Variants in BUD13 observed in about 807,000 individuals in gnomAD.
The protein encoded by BUD13 is BUD13 homolog.
A neutral mutation model predicts 62.5 loss-of-function variants in BUD13; 47 were observed. The ratio of observed to expected loss-of-function variants is 0.75; its 90% CI spans 0.60 to 0.96. BUD13 has a LOEUF of 0.96. BUD13 is among the 40% of genes least tolerant of loss of function. The pLI, the probability that BUD13 is intolerant of heterozygous loss-of-function variation, is 0.00. For synonymous variants in BUD13, 293 were observed against 280.1 expected, an observed-to-expected ratio of 1.05 and a Z score of -0.46; for missense variants, 821 against 790.9, an observed-to-expected ratio of 1.04 and a Z score of -0.46.
intron 2 of BUD13, among the ~76,000 whole-genome samples, chr11:116,767,524 C>A (rs1212982365): frequency 1.5e-5 from 2 of 131,792 alleles, no homozygotes; most frequent in Non-Finnish European, 3.1e-5. Context: ...ACCCGGGAGG[C>A]GGAGCTTGCA....
intron 9 of BUD13, among the ~76,000 whole-genome samples, chr11:116,752,573 C>T (rs1940255614): frequency 6.6e-6 from 1 of 152,084 alleles, no homozygotes; most frequent in Non-Finnish European, 1.5e-5. Context: ...AACTCGGTAG[C>T]AGGGAACATC....
chr11:116,750,967 G>A (rs1173844746), intron 9 of BUD13, among the ~76,000 whole-genome samples: 3 of 152,130 alleles, frequency 2.0e-5, no homozygotes, highest in Non-Finnish European at 4.4e-5. Context: ...TGCACATATA[G>A]GACCCTCTTC....
Position 116,763,190 on chromosome 11 carries a change from A to G in BUD13, c.399T>C (p.His133=). The change falls in exon 4 of 10, where the codon CAT becomes CAC. Residue 133 remains histidine, a synonymous_variant. Transcript: ENST00000260210. The part of the protein sequence containing the change: ...TPDSSPRRVR[H]GTPDPSPRKD... ...TCCTAGGAGATGGATCTGGGGTACC[A>G]TGACGGACCCTCCTAGGAGATGAAT... 4 of 1,594,244 alleles carry G rather than the reference A, an allele frequency of 2.5e-6. No individual in the cohort carries two copies. The highest frequency in any genetic ancestry group is 3.4e-6 in the Non-Finnish European group (4 of 1,169,626).
intron 7 of BUD13, 107 bp from the exon 8 acceptor site, chr11:116,758,057 C>G: frequency 6.8e-7 from 1 of 1,471,536 alleles, no homozygotes; most frequent in East Asian, 2.3e-5. Flanking sequence ...TTCTAGTACC[C>G]TAGGGCAAAT....
At chr11:116,763,930 T>A (rs1940484226) in intron 3 of BUD13, among the ~76,000 whole-genome samples, 1 of 152,214 alleles carries the variant, frequency 6.6e-6, no homozygotes, top group Non-Finnish European at 1.5e-5. Context: ...TCATAGAGAT[T>A]ACCTGATTCA....
At chr11:116,765,486 G>T (rs765383793) in intron 2 of BUD13, 40 bp from the exon 3 acceptor site, 4 of 1,608,354 alleles carry the variant, frequency 2.5e-6, no homozygotes, top group Non-Finnish European at 3.4e-6. Flanking sequence ...AAATCCACAG[G>T]ATCCAGCCAA....
At chr11:116,768,834 T>G (rs1172806642) in intron 2 of BUD13, among the ~76,000 whole-genome samples, 1 of 151,576 alleles carries the variant, frequency 6.6e-6, no homozygotes, top group Non-Finnish European at 1.5e-5. Flanking sequence ...AAACCCTGTC[T>G]CTACTAAAAA....
At position 116,763,762 on chromosome 11, in the gene BUD13, T is replaced by C. The variant is rs539647565; in HGVS notation, c.323-496A>G. Among the ~76,000 whole-genome samples, 22 of 152,376 alleles carry C rather than the reference T, an allele frequency of 1.4e-4. No homozygotes were observed. The South Asian group carries it at 4.3e-3, about 30-fold the overall frequency. ...GATACTTTATAGTTTGTACTCACTCTTCTTTCAATAGGTAAATTGACTAAA... is the reference window on the plus strand; with the variant it reads ...GATACTTTATAGTTTGTACTCACTCCTCTTTCAATAGGTAAATTGACTAAA... On this transcript the variant is annotated intron_variant, in intron 3 of 9. Transcript: ENST00000260210.
At chr11:116,757,076 G>A (rs1266472630) in intron 9 of BUD13, 70 bp downstream of exon 9, 11 of 1,420,402 alleles carry the variant, frequency 7.7e-6, no homozygotes, top group African/African-American at 1.4e-5. Context: ...GAAATAAAGT[G>A]TGGAGCAACT....
At chr11:116,755,795 AGTTT>A (rs1940311777) in intron 9 of BUD13, among the ~76,000 whole-genome samples, 1 of 152,178 alleles carries the variant, frequency 6.6e-6, no homozygotes, top group Non-Finnish European at 1.5e-5. Context: ...TAACATAATT[AGTTT>A]ATTTTTTTTT....
chr11:116,769,620 T>C (rs1005453322), intron 2 of BUD13, among the ~76,000 whole-genome samples: 1 of 152,220 alleles, frequency 6.6e-6, no homozygotes, highest in African/African-American at 2.4e-5. Flanking sequence ...TCTAGGCTGA[T>C]GGACCCTCCA....
At chr11:116,754,571 T>A (rs1940292295) in intron 9 of BUD13, among the ~76,000 whole-genome samples, 1 of 152,142 alleles carries the variant, frequency 6.6e-6, no homozygotes, top group Admixed American at 6.5e-5. Flanking sequence ...AAAACAGGAA[T>A]AGAAGGGAAC....
chr11:116,771,316 A>G (rs1255184091), intron 1 of BUD13, among the ~76,000 whole-genome samples: 2 of 152,220 alleles, frequency 1.3e-5, no homozygotes, highest in Non-Finnish European at 2.9e-5. Flanking sequence ...GCTCCACAAG[A>G]ACAGGGACTA....
chr11:116,769,302 C>T (rs536667401), intron 2 of BUD13, among the ~76,000 whole-genome samples: 8 of 152,266 alleles, frequency 5.3e-5, no homozygotes, highest in African/African-American at 1.9e-4. Flanking sequence ...GTACTTGGTA[C>T]GTATGTGAAA....
intron 8 of BUD13, 41 bp from the exon 9 acceptor site, chr11:116,757,268 T>C: frequency 3.2e-6 from 5 of 1,560,200 alleles, no homozygotes; most frequent in Non-Finnish European, 4.4e-6. Context: ...GTTAATGACA[T>C]AGTTTAATTC....
chr11:116,757,919 C>A lies in BUD13; in HGVS notation c.1531G>T (p.Val511Leu), dbSNP rs371995580. 1.3e-5 allele frequency: 21 copies of A among 1,614,128 alleles called. No homozygotes were observed. Among genetic ancestry groups the A allele is most frequent in the Non-Finnish European group, 1.8e-5 (21 of 1,180,040 alleles). ...TGCATCTCTTTCATTGCATCCTCCA[C>A]ATTTTGTTGCTGTTGCCGGCTCTGG... ...LAQSRQQQQN[V>L]EDAMKEMQKP... The change falls in exon 8 of 10, where the codon GTG becomes TTG. Residue 511 changes from valine to leucine, a missense_variant. By Grantham distance (32) the Val-to-Leu change is conservative. Around this residue, in one of 2 missense-constraint regions of BUD13, gnomAD observed 800 missense variants for 739.2 expected, o/e 1.08. Coordinates refer to ENST00000260210, the MANE Select transcript of BUD13 (RefSeq NM_032725.4).
chr11:116,753,891 T>C (rs945531245), intron 9 of BUD13, among the ~76,000 whole-genome samples: 35 of 152,154 alleles, frequency 2.3e-4, no homozygotes, highest in Admixed American at 2.2e-3. Flanking sequence ...AAACCCAGAA[T>C]ACAGGCGATC....
At position 116,767,324 on chromosome 11, in the gene BUD13, T is replaced by C. The variant is rs1011558334; in HGVS notation, c.238-1878A>G. 9.2e-5 allele frequency among the ~76,000 whole-genome samples: 14 copies of C among 151,946 alleles called. 1 individual carries two copies. On this transcript the variant is annotated intron_variant, in intron 2 of 9. Coordinates refer to ENST00000260210, the MANE Select transcript of BUD13 (RefSeq NM_032725.4). ...TTCAAAGAAACTGGGCCAGGCACGG[T>C]GGCTCACGTCTGTAATCCCAGCACT...
At chr11:116,765,332 A>C (rs769257390) in intron 3 of BUD13, 30 bp downstream of exon 3, 9 of 1,609,508 alleles carry the variant, frequency 5.6e-6, no homozygotes, top group Admixed American at 1.7e-5. Context: ...TACTAATGGA[A>C]ATTTAGATTT....
Sources: gnomAD v4.1 joint callset for allele counts (sites outside exome capture counted in the v4.1 genomes callset) on GRCh38, gnomAD v4.1.1 for gene constraint, gnomAD v4.1.1 regional missense constraint, MANE v1.5 for transcripts, NCBI Gene and HGNC (gene_info 2026-07-23, HGNC 2026-07-21) for gene names.